SNX9: variants seen among roughly 807,000 people sequenced by gnomAD.
SNX9 encodes sorting nexin-9.
A neutral mutation model predicts 89.4 loss-of-function variants in SNX9; 44 were observed. The ratio of observed to expected loss-of-function variants is 0.49; its 90% CI spans 0.39 to 0.63. The LOEUF is 0.63. SNX9 is among the 30% of genes least tolerant of loss of function. The pLI is 0.00. For missense variants in SNX9, 578 were observed against 736.1 expected (o/e 0.79, Z 2.49); for synonymous variants, 236 against 247.8 (o/e 0.95, Z 0.45).
intron 16 of SNX9, 79 bp downstream of exon 16, chr6:157,938,826 C>G (rs962177878): frequency 1.7e-4 from 178 of 1,044,874 alleles, no homozygotes; most frequent in Non-Finnish European, 2.4e-4. Flanking sequence ...AGAGAGAAAT[C>G]CAGATGTGAG....
At chr6:157,914,767 C>T (rs1783428282) in intron 9 of SNX9, among the ~76,000 whole-genome samples, 1 of 152,154 alleles carries the variant, frequency 6.6e-6, no homozygotes, top group African/African-American at 2.4e-5. Context: ...CATGAGCTAC[C>T]ACACTAGCCT....
chr6:157,877,287 G>T (rs1307630742), intron 4 of SNX9, among the ~76,000 whole-genome samples: 1 of 151,436 alleles, frequency 6.6e-6, no homozygotes, highest in Admixed American at 6.6e-5. Flanking sequence ...AAAGCGGGGG[G>T]GGCATCTAGT....
intron 1 of SNX9, among the ~76,000 whole-genome samples, chr6:157,862,292 G>C (rs982757501): frequency 6.6e-6 from 1 of 152,126 alleles, no homozygotes; most frequent in Non-Finnish European, 1.5e-5. Context: ...TGTTTCTTCT[G>C]ATGATCTTAA....
chr6:157,900,338 G>A (rs1401774345), intron 5 of SNX9, among the ~76,000 whole-genome samples: 12 of 152,018 alleles, frequency 7.9e-5, no homozygotes, highest in Admixed American at 2.6e-4. Flanking sequence ...TGAATTGTGC[G>A]AGTTCATTAT....
At chr6:157,861,433 G>T (rs1013699178) in intron 1 of SNX9, among the ~76,000 whole-genome samples, 1 of 152,224 alleles carries the variant, frequency 6.6e-6, no homozygotes, top group Non-Finnish European at 1.5e-5. Flanking sequence ...ACTGTAGAAA[G>T]CGTGCTCATC....
chr6:157,894,465 TAAAAAAAAAA>T (rs1173887333), intron 4 of SNX9, among the ~76,000 whole-genome samples: 2 of 100,732 alleles, frequency 2.0e-5, no homozygotes, highest in African/African-American at 7.7e-5. Flanking sequence ...ATTTAAATGT[TAAAAAAAAAA>T]AAAAAAAAAA....
chr6:157,935,462 A>G (rs1783903933), intron 13 of SNX9, among the ~76,000 whole-genome samples: 1 of 152,160 alleles, frequency 6.6e-6, no homozygotes. Context: ...CACAGCCAGC[A>G]GCATCCAGAA....
intron 1 of SNX9, among the ~76,000 whole-genome samples, chr6:157,824,642 A>G (rs1372421051): frequency 3.9e-5 from 6 of 152,110 alleles, no homozygotes; most frequent in African/African-American, 1.4e-4. Flanking sequence ...GCTGTGGTAA[A>G]TTTTGTGCTC....
intron 11 of SNX9, among the ~76,000 whole-genome samples, chr6:157,927,859 T>C (rs1783728008): frequency 6.6e-6 from 1 of 151,442 alleles, no homozygotes; most frequent in Admixed American, 6.6e-5. Context: ...CTCGAGTAGC[T>C]GGGACTACAT....
intron 7 of SNX9, among the ~76,000 whole-genome samples, chr6:157,906,941 A>G (rs1197988857): frequency 1.3e-5 from 2 of 152,160 alleles, no homozygotes; most frequent in East Asian, 1.9e-4. Context: ...CCTGGACTCA[A>G]TCGAGGATGA....
intron 1 of SNX9, among the ~76,000 whole-genome samples, chr6:157,835,852 T>C (rs1252711842): frequency 1.5e-4 from 23 of 152,188 alleles, no homozygotes. Context: ...TACCCAGTCT[T>C]GGGCAGTTCT....
At chr6:157,913,002 A>G (rs896355497) in intron 9 of SNX9, among the ~76,000 whole-genome samples, 6 of 152,246 alleles carry the variant, frequency 3.9e-5, no homozygotes, top group African/African-American at 1.4e-4. Flanking sequence ...TAATTTTTGA[A>G]TAAAATAAGG....
chr6:157,914,745 T>C (rs909549321), intron 9 of SNX9, among the ~76,000 whole-genome samples: 1 of 152,150 alleles, frequency 6.6e-6, no homozygotes, highest in African/African-American at 2.4e-5. Context: ...CCCAAAGTGT[T>C]GGGATTAGAG....
At chr6:157,844,587 G>GTTTTTTTGTTTT (rs1554291784) in intron 1 of SNX9, among the ~76,000 whole-genome samples, 28 of 130,294 alleles carry the variant, frequency 2.1e-4, no homozygotes, top group South Asian at 5.0e-4. Flanking sequence ...GCTAATCCTT[G>GTTTTTTTGTTTT]TTTTTTTTTT....
chr6:157,942,714 G>C (rs751463005), intron 17 of SNX9, 77 bp from the exon 18 acceptor site: 2 of 1,441,810 alleles, frequency 1.4e-6, no homozygotes, highest in Admixed American at 1.7e-5. Context: ...TAACTTGTTG[G>C]AGTTGTGAAT....
chr6:157,876,901 T>G (rs963451443), intron 4 of SNX9, among the ~76,000 whole-genome samples: 4 of 152,234 alleles, frequency 2.6e-5, no homozygotes, highest in African/African-American at 9.6e-5. Flanking sequence ...TCTCCAGATA[T>G]AGCCAAGTGT....
chr6:157,877,773 C>G (rs1461493171), intron 4 of SNX9, among the ~76,000 whole-genome samples: 1 of 152,024 alleles, frequency 6.6e-6, no homozygotes, highest in Admixed American at 6.5e-5. Context: ...GCATGCATCT[C>G]TTCAGCTTGG....
At chr6:157,891,422 T>C (rs953970081) in intron 4 of SNX9, among the ~76,000 whole-genome samples, 9 of 152,202 alleles carry the variant, frequency 5.9e-5, no homozygotes, top group African/African-American at 2.2e-4. Context: ...CAATTTAGTC[T>C]TTTTATACAT....
At chr6:157,886,654 C>T (rs1200746704) in intron 4 of SNX9, among the ~76,000 whole-genome samples, 1 of 152,206 alleles carries the variant, frequency 6.6e-6, no homozygotes, top group African/African-American at 2.4e-5. Context: ...CAGCACTTTC[C>T]TGTATCAGCT....
Sources: allele counts gnomAD v4.1 joint callset (sites outside exome capture counted in the v4.1 genomes callset), GRCh38; gene constraint gnomAD v4.1.1; transcripts MANE v1.5; gene names NCBI Gene and HGNC (gene_info 2026-07-23, HGNC 2026-07-21).